Variants in ARHGAP26 observed in about 807,000 individuals in gnomAD.
ARHGAP26 encodes the protein Rho GTPase activating protein 26.
A neutral mutation model predicts 104.8 loss-of-function variants in ARHGAP26; 38 were observed. That is an observed-to-expected ratio of 0.36 (90% CI 0.28 to 0.48). The LOEUF is 0.48. ARHGAP26 is among the 20% of genes least tolerant of loss of function. The pLI is 0.99. For synonymous variants in ARHGAP26, 341 were observed against 340.0 expected (o/e 1.00, Z -0.03); for missense variants, 704 against 947.9 (o/e 0.74, Z 3.38).
intron 13 of ARHGAP26, among the ~76,000 whole-genome samples, 177 bp downstream of exon 13, chr5:143,037,438 T>A (rs765192958): frequency 1.4e-4 from 22 of 152,224 alleles, no homozygotes; most frequent in Non-Finnish European, 2.5e-4. Context: ...ACTGATTTTG[T>A]GTCACCAACT....
Position 143,094,357 on chromosome 5 carries a change from GCGTTGC to G in ARHGAP26, c.1539-26630_1539-26625del, listed in dbSNP as rs1474847556. Among the ~76,000 whole-genome samples the G allele has an allele frequency of 5.9e-5, 9 of 152,156 alleles. No homozygotes were observed. The South Asian group carries it at 1.2e-3, about 21-fold the overall frequency. The stretch of plus-strand genomic sequence containing the variant: ...TGCTGGTCAGTTTCTTTTTTCCCTC[GCGTTGC>G]TGAGAGCTCAGGTTATTCCTCGCAC... On this transcript the variant is annotated intron_variant, in intron 17 of 22. Transcript: ENST00000645722.
chr5:143,144,720 A>G (rs1457340254), intron 19 of ARHGAP26, among the ~76,000 whole-genome samples: 1 of 152,106 alleles, frequency 6.6e-6, no homozygotes, highest in African/African-American at 2.4e-5. Flanking sequence ...TTTTCTCCTT[A>G]TTTCCTAATT....
intron 20 of ARHGAP26, among the ~76,000 whole-genome samples, chr5:143,162,989 C>T (rs139565568): frequency 3.3e-5 from 5 of 151,940 alleles, no homozygotes; most frequent in Middle Eastern, 3.4e-3. Context: ...TGGTGGTATG[C>T]GCCTGTGGTC....
intron 11 of ARHGAP26, among the ~76,000 whole-genome samples, chr5:142,989,318 G>C (rs1016610319): frequency 3.3e-5 from 5 of 152,144 alleles, no homozygotes; most frequent in African/African-American, 1.2e-4. Flanking sequence ...TGCAACTCCT[G>C]CTTTTTTTTG....
intron 10 of ARHGAP26, among the ~76,000 whole-genome samples, chr5:142,919,625 C>G (rs901536562): frequency 2.6e-5 from 4 of 152,170 alleles, no homozygotes; most frequent in Non-Finnish European, 4.4e-5. Context: ...AGCCCATTCA[C>G]ATAAATTACC....
chr5:143,221,011 C>T (rs1811059352), intron 22 of ARHGAP26, among the ~76,000 whole-genome samples: 1 of 152,166 alleles, frequency 6.6e-6, no homozygotes, highest in Admixed American at 6.5e-5. Flanking sequence ...CTATTCTCTC[C>T]AAATAATCTT....
chr5:143,051,165 A>G (rs767288685), intron 14 of ARHGAP26, among the ~76,000 whole-genome samples: 12 of 152,244 alleles, frequency 7.9e-5, no homozygotes, highest in Non-Finnish European at 1.6e-4. Flanking sequence ...AGGAAATTCA[A>G]GAGTACATAG....
At chr5:142,822,175 ACTCT>A (rs1766327680) in intron 1 of ARHGAP26, among the ~76,000 whole-genome samples, 1 of 151,938 alleles carries the variant, frequency 6.6e-6, no homozygotes, top group Non-Finnish European at 1.5e-5. Context: ...GAATTGACTC[ACTCT>A]CCATCTTTCT....
intron 17 of ARHGAP26, among the ~76,000 whole-genome samples, chr5:143,071,473 A>G (rs1300047879): frequency 1.3e-5 from 2 of 152,270 alleles, no homozygotes; most frequent in South Asian, 4.1e-4. Flanking sequence ...TACAAAAATC[A>G]ACTCAAAATG....
chr5:143,152,429 A>T (rs990600121), intron 20 of ARHGAP26, among the ~76,000 whole-genome samples: 1 of 152,240 alleles, frequency 6.6e-6, no homozygotes. Flanking sequence ...CCAGATTTCC[A>T]GCTTCTTTTG....
At chr5:142,802,377 C>T (rs1762236984) in intron 1 of ARHGAP26, among the ~76,000 whole-genome samples, 1 of 152,110 alleles carries the variant, frequency 6.6e-6, no homozygotes, top group Admixed American at 6.5e-5. Context: ...TGAGATCTGC[C>T]AGTAGATGGA....
chr5:142,911,378 C>T (rs547864697), intron 9 of ARHGAP26, among the ~76,000 whole-genome samples: 23 of 152,278 alleles, frequency 1.5e-4, no homozygotes, highest in African/African-American at 5.3e-4. Context: ...GGACCCTGAC[C>T]CCAGGGCCTG....
Position 142,770,945 on chromosome 5 carries a change from G to A in ARHGAP26, c.154+30G>A, listed in dbSNP as rs202006357. On this transcript the variant is annotated intron_variant, in intron 1 of 22. Coordinates refer to ENST00000645722, the MANE Select transcript of ARHGAP26 (RefSeq NM_001135608.3). ...GTGTCCCGAGCCCCTCGGGGACGCG[G>A]CTCCGGGGCGGGAGGAACTGGGAGG... The A allele has an allele frequency of 7.5e-4, 1,188 of 1,580,332 alleles. 2 individuals carry two copies. The highest frequency in any genetic ancestry group is 5.2e-3 in the Middle Eastern group (31 of 5,916).
At chr5:143,218,298 C>T (rs954265679) in intron 22 of ARHGAP26, among the ~76,000 whole-genome samples, 12 of 152,196 alleles carry the variant, frequency 7.9e-5, no homozygotes, top group Non-Finnish European at 1.5e-4. Context: ...TCTCCTTTTA[C>T]CACTACCTAA....
At chr5:142,936,436 G>C (rs1765434078) in intron 11 of ARHGAP26, among the ~76,000 whole-genome samples, 1 of 152,122 alleles carries the variant, frequency 6.6e-6, no homozygotes, top group Non-Finnish European at 1.5e-5. Flanking sequence ...ACATAGTAAA[G>C]ATGTCAATTC....
At chr5:142,811,031 A>G (rs1763972932) in intron 1 of ARHGAP26, among the ~76,000 whole-genome samples, 1 of 152,188 alleles carries the variant, frequency 6.6e-6, no homozygotes, top group Admixed American at 6.5e-5. Context: ...ACTAAAGTGA[A>G]TTGTGGGGCA....
chr5:142,937,617 A>T lies in ARHGAP26; in HGVS notation c.1107+5492A>T, dbSNP rs1388613967. ...AACCTCCCTCATAGCAGCTTTATTC[A>T]TAATAGCTTGAAACTGGAAGTACTA... is the stretch of plus-strand genomic sequence containing the variant. On this transcript the variant is annotated intron_variant, in intron 11 of 22. Transcript: ENST00000645722. Among the ~76,000 whole-genome samples, 6 of 152,328 alleles carry T rather than the reference A, an allele frequency of 3.9e-5. No homozygotes were observed. The South Asian group carries it at 1.2e-3, about 32-fold the overall frequency.
chr5:143,222,314 C>A (rs769733513), intron 22 of ARHGAP26, 44 bp from the exon 23 acceptor site: 4 of 1,432,358 alleles, frequency 2.8e-6, no homozygotes, highest in African/African-American at 1.4e-5. Context: ...CCTGCTCTAT[C>A]TGTAATGCCA....
intron 17 of ARHGAP26, among the ~76,000 whole-genome samples, chr5:143,065,523 G>T (rs1053074884): frequency 1.3e-5 from 2 of 152,168 alleles, no homozygotes; most frequent in Admixed American, 1.3e-4. Context: ...GCCTGATTTT[G>T]ATCTCATCTC....
Sources: allele counts gnomAD v4.1 joint callset (sites outside exome capture counted in the v4.1 genomes callset), GRCh38; gene constraint gnomAD v4.1.1; transcripts MANE v1.5; gene names NCBI Gene and HGNC (gene_info 2026-07-23, HGNC 2026-07-21).